Variants in BMPR1A observed in about 807,000 individuals in gnomAD.
BMPR1A encodes bone morphogenetic protein receptor type-1A.
Under a neutral mutation model 66.0 loss-of-function variants are expected in BMPR1A, and 7 were observed. The ratio of observed to expected loss-of-function variants is 0.11; its 90% confidence interval spans 0.06 to 0.20. The LOEUF (loss-of-function observed/expected upper bound fraction) is 0.20, where lower values mean the gene tolerates loss of function less well. Among genes scored for constraint, BMPR1A ranks in the 10% least tolerant of loss-of-function variants. BMPR1A has a pLI of 1.00. For synonymous variants in BMPR1A, 200 were observed against 229.7 expected, an observed-to-expected ratio of 0.87 and a Z score of 1.17; for missense variants, 408 against 669.1, an observed-to-expected ratio of 0.61 and a Z score of 4.31.
intron 1 of BMPR1A, among the ~76,000 whole-genome samples, chr10:86,790,303 C>T (rs1841597464): frequency 7.5e-6 from 1 of 133,466 alleles, no homozygotes; most frequent in Admixed American, 8.3e-5. Context: ...TAGATAATAA[C>T]AAATGCTGGT....
chr10:86,787,596 G>A (rs117788571), intron 1 of BMPR1A, among the ~76,000 whole-genome samples: 33 of 152,316 alleles, frequency 2.2e-4, no homozygotes, highest in African/African-American at 3.1e-4. Context: ...TGAGGAAATA[G>A]CATGTCTTGT....
At chr10:86,780,659 TC>T (rs1174543278) in intron 1 of BMPR1A, among the ~76,000 whole-genome samples, 1 of 151,754 alleles carries the variant, frequency 6.6e-6, no homozygotes, top group African/African-American at 2.4e-5. Flanking sequence ...GGTCTCGAGT[TC>T]CTGACCTCAT....
intron 2 of BMPR1A, among the ~76,000 whole-genome samples, chr10:86,854,037 G>A (rs1023554028): frequency 1.3e-5 from 2 of 152,044 alleles, no homozygotes; most frequent in Non-Finnish European, 2.9e-5. Flanking sequence ...CTACAGTCTC[G>A]ACCATAGAAG....
intron 7 of BMPR1A, among the ~76,000 whole-genome samples, chr10:86,905,619 TTGA>T (rs1476438791): frequency 6.6e-6 from 1 of 152,100 alleles, no homozygotes; most frequent in East Asian, 1.9e-4. Context: ...CTCACTCTTG[TTGA>T]TGTTTGCCAG....
At chr10:86,782,734 T>G (rs1326866512) in intron 1 of BMPR1A, among the ~76,000 whole-genome samples, 1 of 152,134 alleles carries the variant, frequency 6.6e-6, no homozygotes, top group Non-Finnish European at 1.5e-5. Flanking sequence ...TAGGAGTTTT[T>G]TTTTTATTCT....
At chr10:86,896,311 C>A (rs1162394950) in intron 5 of BMPR1A, among the ~76,000 whole-genome samples, 1 of 151,856 alleles carries the variant, frequency 6.6e-6, no homozygotes, top group Non-Finnish European at 1.5e-5. Flanking sequence ...AGAAAAAATG[C>A]CCTTTCCAAT....
chr10:86,892,862 CAAAAA>C (rs575847316), intron 5 of BMPR1A, among the ~76,000 whole-genome samples: 1 of 94,044 alleles, frequency 1.1e-5, no homozygotes, highest in Admixed American at 1.2e-4. Flanking sequence ...GACCCTGTCT[CAAAAA>C]AAAAAAAAAA....
intron 1 of BMPR1A, among the ~76,000 whole-genome samples, chr10:86,758,394 A>G (rs914558100): frequency 3.7e-4 from 42 of 114,068 alleles, no homozygotes; most frequent in African/African-American, 1.4e-3. Flanking sequence ...TGTCTTTCTT[A>G]TTAGTTAACA....
In BMPR1A at chr10:86,885,600, CA is replaced by C. The variant is rs748769265; in HGVS notation, c.68-4461del. ...TGGGACAGCACAGTTGTAGACATGC[CA>C]CCTTTTCCCTAGTTCTTGCTTCCTT... On this transcript the variant is annotated intron_variant, in intron 3 of 12. Transcript: ENST00000372037. Among the ~76,000 whole-genome samples, 7 of 152,288 alleles carry C rather than the reference CA, an allele frequency of 4.6e-5. 1 individual carries two copies. The Middle Eastern group carries it at 0.014, about 296-fold the overall frequency.
intron 1 of BMPR1A, among the ~76,000 whole-genome samples, chr10:86,765,357 G>A (rs1841145329): frequency 6.6e-6 from 1 of 151,582 alleles, no homozygotes; most frequent in African/African-American, 2.4e-5. Context: ...GTGGTGGCAC[G>A]CCTGTAATCC....
chr10:86,885,847 G>A (rs952944540), intron 3 of BMPR1A, among the ~76,000 whole-genome samples: 5 of 152,122 alleles, frequency 3.3e-5, no homozygotes, highest in African/African-American at 1.2e-4. Context: ...GAAAAAGGAA[G>A]CCAATAAATT....
chr10:86,871,585 G>T (rs1842856332), intron 2 of BMPR1A, among the ~76,000 whole-genome samples: 1 of 152,200 alleles, frequency 6.6e-6, no homozygotes, highest in Admixed American at 6.5e-5. Context: ...GTTTAGGCGG[G>T]TGGATTGCTT....
intron 2 of BMPR1A, among the ~76,000 whole-genome samples, chr10:86,849,250 T>G (rs1414680855): frequency 6.6e-6 from 1 of 152,270 alleles, no homozygotes; most frequent in Non-Finnish European, 1.5e-5. Context: ...ATAGTAATGC[T>G]GTTTTTCAGT....
chr10:86,799,695 G>C (rs1841784115), intron 1 of BMPR1A, among the ~76,000 whole-genome samples: 1 of 151,922 alleles, frequency 6.6e-6, no homozygotes, highest in South Asian at 2.1e-4. Flanking sequence ...GGGACAACAG[G>C]CGCACATCGT....
chr10:86,923,568 T>C, intron 12 of BMPR1A, 26 bp from the exon 13 acceptor site: 1 of 1,614,242 alleles, frequency 6.2e-7, no homozygotes, highest in Non-Finnish European at 8.5e-7. Flanking sequence ...TATTCTCTGC[T>C]CACTGAACAT....
chr10:86,855,670 A>G (rs1281294414), intron 2 of BMPR1A: 7 of 699,420 alleles, frequency 1.0e-5, no homozygotes, highest in East Asian at 2.5e-5. Flanking sequence ...CTAATTTGCA[A>G]TTGCCTAACT....
intron 1 of BMPR1A, among the ~76,000 whole-genome samples, chr10:86,762,356 G>T (rs570692848): frequency 6.6e-6 from 1 of 152,256 alleles, no homozygotes; most frequent in East Asian, 1.9e-4. Flanking sequence ...ACAGCATTGA[G>T]AATTTTTTTT....
At chr10:86,874,507 G>A (rs1316707956) in intron 2 of BMPR1A, among the ~76,000 whole-genome samples, 1 of 152,094 alleles carries the variant, frequency 6.6e-6, no homozygotes, top group Non-Finnish European at 1.5e-5. Context: ...CTGGGTTCAA[G>A]CCATTCTCCT....
intron 7 of BMPR1A, among the ~76,000 whole-genome samples, chr10:86,903,698 A>G (rs1343615509): frequency 6.6e-6 from 1 of 151,200 alleles, no homozygotes; most frequent in Non-Finnish European, 1.5e-5. Context: ...TGCAAGCTCC[A>G]CCTCCCGGGT....
Sources: allele counts gnomAD v4.1 joint callset (sites outside exome capture counted in the v4.1 genomes callset), GRCh38; gene constraint gnomAD v4.1.1; transcripts MANE v1.5; gene names NCBI Gene and HGNC (gene_info 2026-07-23, HGNC 2026-07-21).